Variants in BMPER observed in about 807,000 individuals in gnomAD.
BMPER encodes the protein BMP-binding endothelial regulator protein.
A neutral mutation model predicts 87.3 loss-of-function variants in BMPER; 45 were observed. The ratio of observed to expected loss-of-function variants is 0.52; its 90% CI spans 0.41 to 0.66. The LOEUF (loss-of-function observed/expected upper bound fraction) is 0.66, where lower values mean the gene tolerates loss of function less well. BMPER is among the 30% of genes least tolerant of loss of function. The probability of loss-of-function intolerance (pLI) is 0.00; values close to 1 mark genes in which losing one functional copy is unlikely to be tolerated. For missense variants in BMPER, 784 were observed against 867.5 expected (o/e 0.90, Z 1.21); for synonymous variants, 326 against 316.2 (o/e 1.03, Z -0.33).
At chr7:34,052,082 T>G in intron 8 of BMPER, 112 bp downstream of exon 8, 1 of 970,786 alleles carries the variant, frequency 1.0e-6, no homozygotes, top group South Asian at 1.3e-5. Flanking sequence ...GAGGAAGCAT[T>G]AACAATGCCA....
At chr7:34,114,398 TG>T (rs1367620638) in intron 13 of BMPER, among the ~76,000 whole-genome samples, 1 of 152,234 alleles carries the variant, frequency 6.6e-6, no homozygotes, top group East Asian at 1.9e-4. Flanking sequence ...ATGTTAGCAC[TG>T]AGGTTCTTCT....
intron 14 of BMPER, among the ~76,000 whole-genome samples, 187 bp from the exon 15 acceptor site, chr7:34,152,905 T>A (rs1487187883): frequency 6.6e-6 from 1 of 152,186 alleles, no homozygotes; most frequent in African/African-American, 2.4e-5. Context: ...TTTTTATAGA[T>A]GTAGCTGATT....
chr7:34,038,769 G>A lies in BMPER; in HGVS notation c.577-7537G>A, dbSNP rs1585764495. On this transcript the variant is annotated intron_variant, in intron 6 of 14. Coordinates refer to ENST00000649409, the MANE Select transcript of BMPER (RefSeq NM_001365308.1). ...TTGCTATTTTTATGGGATAAAATCA[G>A]TGTCTTCATCGAGCTTTGCTGACAT... Among the ~76,000 whole-genome samples, 3 of 152,274 alleles carry A rather than the reference G, an allele frequency of 2.0e-5. No individual in the cohort carries two copies. In the South Asian group the frequency reaches 6.2e-4, roughly 32 times the overall value.
Position 34,079,170 on chromosome 7 carries a change from A to G in BMPER, c.1392A>G (p.Lys464=). ...TCGACCTGGATGGCTACCTCTTGAA[A>G]GTGACCACCAAAGCAGGTGGGGCGT... is the stretch of plus-strand genomic sequence containing the variant. ...FHIDLDGYLL[K]VTTKAGLEIS... is the part of the protein sequence containing the mutation. The change falls in exon 12 of 15, where the codon AAA becomes AAG. Residue 464 remains lysine, a synonymous_variant. Transcript: ENST00000649409. 6.2e-7 allele frequency: 1 copy of G among 1,613,730 alleles called. No individual in the cohort carries two copies. Among genetic ancestry groups the G allele is most frequent in the Non-Finnish European group, 8.5e-7 (1 of 1,180,018 alleles).
At chr7:33,912,101 C>G (rs1420102844) in intron 2 of BMPER, among the ~76,000 whole-genome samples, 2 of 152,072 alleles carry the variant, frequency 1.3e-5, no homozygotes, top group Non-Finnish European at 2.9e-5. Context: ...GTTTTCCCCT[C>G]GCTTTCCATT....
intron 14 of BMPER, among the ~76,000 whole-genome samples, chr7:34,150,033 A>T (rs1791132374): frequency 6.6e-6 from 1 of 152,118 alleles, no homozygotes; most frequent in African/African-American, 2.4e-5. Context: ...AGAAAAGAAG[A>T]ATGGCAAATC....
intron 13 of BMPER, among the ~76,000 whole-genome samples, chr7:34,119,921 T>A (rs1790219399): frequency 6.6e-6 from 1 of 152,116 alleles, no homozygotes; most frequent in Non-Finnish European, 1.5e-5. Context: ...AAAGTTGTTA[T>A]AGCAAGCATA....
intron 14 of BMPER, among the ~76,000 whole-genome samples, chr7:34,150,264 G>A (rs974485462): frequency 3.5e-4 from 54 of 152,210 alleles, no homozygotes; most frequent in African/African-American, 1.1e-3. Context: ...AGTGACTGAA[G>A]CATGAATGTA....
At chr7:34,012,517 C>T (rs1344213173) in intron 6 of BMPER, among the ~76,000 whole-genome samples, 1 of 151,880 alleles carries the variant, frequency 6.6e-6, no homozygotes, top group African/African-American at 2.4e-5. Flanking sequence ...TTTAGTAATT[C>T]CTGTTCCTTT....
At chr7:33,987,877 A>C (rs183222876) in intron 6 of BMPER, among the ~76,000 whole-genome samples, 155 of 152,330 alleles carry the variant, frequency 1.0e-3, no homozygotes, top group African/African-American at 3.6e-3. Context: ...ACTATAGTTT[A>C]TCCATGCCAT....
chr7:34,102,258 T>C (rs1411165668), intron 13 of BMPER, among the ~76,000 whole-genome samples: 1 of 152,132 alleles, frequency 6.6e-6, no homozygotes, highest in African/African-American at 2.4e-5. Context: ...ACAGAGCAAG[T>C]CTTTTCTCCC....
rs534365958 is a variant in BMPER, at chr7:34,116,285, T to C, written c.1746-26945T>C. ...AACACTGGGTGGCTGGCTAGTTGGC[T>C]GATTGACTACTGACCTCTTCCTTCT... On this transcript the variant is annotated intron_variant, in intron 13 of 14. Transcript: ENST00000649409. Among the ~76,000 whole-genome samples, 157 of 152,364 alleles carry C rather than the reference T, an allele frequency of 1.0e-3. 2 individuals are homozygous for C. Among genetic ancestry groups the C allele is most frequent in the African/African-American group, 3.6e-3 (148 of 41,582 alleles).
At chr7:34,045,965 A>T (rs971990752) in intron 6 of BMPER, among the ~76,000 whole-genome samples, 4 of 152,202 alleles carry the variant, frequency 2.6e-5, no homozygotes, top group Non-Finnish European at 4.4e-5. Context: ...TCCTGGTTTT[A>T]GTACTCAAAG....
At chr7:34,041,874 G>A (rs1275961534) in intron 6 of BMPER, among the ~76,000 whole-genome samples, 19 of 151,982 alleles carry the variant, frequency 1.3e-4, no homozygotes, top group Admixed American at 1.2e-3. Flanking sequence ...TCATTGTAAC[G>A]GGTTAGCACT....
rs74944009 is a variant in BMPER, at chr7:34,054,419, A to G, written c.787-744A>G. On this transcript the variant is annotated intron_variant, in intron 8 of 14. Coordinates refer to ENST00000649409, the MANE Select transcript of BMPER (RefSeq NM_001365308.1). Reference sequence around the variant, plus strand: ...GTTTGACAAAGGATTTTTTTTTCCAATTGAAGTTGGTTTATAATAATTTCT... The same window carrying G: ...GTTTGACAAAGGATTTTTTTTTCCAGTTGAAGTTGGTTTATAATAATTTCT... Among the ~76,000 whole-genome samples the G allele has an allele frequency of 3.5e-4, 53 of 152,234 alleles. 1 individual carries two copies. The East Asian group carries it at 9.7e-3, about 28-fold the overall frequency.
At chr7:34,069,514 G>A (rs1428082034) in intron 11 of BMPER, among the ~76,000 whole-genome samples, 3 of 152,102 alleles carry the variant, frequency 2.0e-5, no homozygotes, top group African/African-American at 7.2e-5. Context: ...CTATGAATTA[G>A]AAGCTGTCAT....
chr7:33,915,319 T>C (rs1367235258), intron 2 of BMPER, among the ~76,000 whole-genome samples: 1 of 152,232 alleles, frequency 6.6e-6, no homozygotes, highest in Non-Finnish European at 1.5e-5. Flanking sequence ...GTCTGACTAA[T>C]ATAAAAACTT....
intron 2 of BMPER, among the ~76,000 whole-genome samples, chr7:33,915,127 C>CT (rs1254517169): frequency 1.3e-5 from 2 of 152,074 alleles, no homozygotes; most frequent in Non-Finnish European, 2.9e-5. Context: ...TTTAAAAGAT[C>CT]TTAACAAAAG....
chr7:33,935,196 G>A (rs142225623), intron 2 of BMPER, among the ~76,000 whole-genome samples: 3 of 152,270 alleles, frequency 2.0e-5, no homozygotes, highest in East Asian at 3.9e-4. Flanking sequence ...GAGAAAAGGG[G>A]GTGAGGGAAG....
Sources: gnomAD v4.1 joint callset for allele counts (sites outside exome capture counted in the v4.1 genomes callset) on GRCh38, gnomAD v4.1.1 for gene constraint, MANE v1.5 for transcripts, NCBI Gene and HGNC (gene_info 2026-07-23, HGNC 2026-07-21) for gene names.